The following MGAT4C variants were observed in gnomAD, a reference collection of about 807,000 sequenced individuals.
The protein encoded by MGAT4C is MGAT4 family member C.
Under a neutral mutation model 40.1 loss-of-function variants are expected in MGAT4C, and 19 were observed. That is an observed-to-expected ratio of 0.47 (90% CI 0.33 to 0.70). The LOEUF is 0.70. Ranked by LOEUF, MGAT4C falls within the 30% of genes least tolerant of loss-of-function variation. The probability of loss-of-function intolerance (pLI) is 0.02; values close to 1 mark genes in which losing one functional copy is unlikely to be tolerated. For missense variants in MGAT4C, 491 were observed against 563.2 expected (o/e 0.87, Z 1.30); for synonymous variants, 181 against 187.1 (o/e 0.97, Z 0.27).
intron 4 of MGAT4C, among the ~76,000 whole-genome samples, chr12:86,266,729 T>A (rs913609856): frequency 2.6e-5 from 4 of 152,168 alleles, no homozygotes; most frequent in African/African-American, 9.6e-5. Flanking sequence ...TCTTCATACC[T>A]TTGGTAGAAT....
At chr12:86,173,254 T>G (rs926295990) in intron 1 of MGAT4C, among the ~76,000 whole-genome samples, 4 of 152,128 alleles carry the variant, frequency 2.6e-5, no homozygotes, top group Non-Finnish European at 5.9e-5. Flanking sequence ...TATCAGCAAT[T>G]TTCATATTGG....
chr12:86,631,294 A>G (rs907774890), intron 2 of MGAT4C, among the ~76,000 whole-genome samples: 1 of 152,182 alleles, frequency 6.6e-6, no homozygotes, highest in Non-Finnish European at 1.5e-5. Flanking sequence ...GCTCATGGAT[A>G]GGAAGAATCA....
At chr12:86,012,469 A>C (rs1888561410) in intron 2 of MGAT4C, among the ~76,000 whole-genome samples, 1 of 152,062 alleles carries the variant, frequency 6.6e-6, no homozygotes, top group African/African-American at 2.4e-5. Context: ...GGCCAGGCGC[A>C]GTGGCTCAAG....
intron 2 of MGAT4C, among the ~76,000 whole-genome samples, chr12:86,628,855 C>T (rs1333186403): frequency 6.6e-6 from 1 of 152,046 alleles, no homozygotes; most frequent in Non-Finnish European, 1.5e-5. Context: ...GCAAAATAAC[C>T]AGCTAACATC....
intron 2 of MGAT4C, among the ~76,000 whole-genome samples, chr12:86,500,001 A>G (rs1350039613): frequency 2.0e-5 from 3 of 151,878 alleles, no homozygotes; most frequent in Non-Finnish European, 1.5e-5. Flanking sequence ...AGAAAGCAGC[A>G]GCATATGCAT....
Position 86,120,902 on chromosome 12 carries a change from G to A in MGAT4C, c.-56-71179C>T, listed in dbSNP as rs1418700502. Among the ~76,000 whole-genome samples, 7 of 152,338 alleles carry A rather than the reference G, an allele frequency of 4.6e-5. No homozygotes were observed. In the South Asian group the frequency reaches 6.2e-4, roughly 14 times the overall value. On this transcript the variant is annotated intron_variant, in intron 1 of 4. Coordinates refer to ENST00000611864, the MANE Select transcript of MGAT4C (RefSeq NM_001351288.2). ...AAGCTGGACAGAGAATGACTTTGACGAGTTGAGAGAAGGCTTTAGACGATC... is the reference window on the plus strand; with the variant it reads ...AAGCTGGACAGAGAATGACTTTGACAAGTTGAGAGAAGGCTTTAGACGATC...
intron 1 of MGAT4C, among the ~76,000 whole-genome samples, chr12:86,773,355 TC>T (rs1379327171): frequency 1.3e-5 from 2 of 152,008 alleles, no homozygotes; most frequent in Non-Finnish European, 2.9e-5. Context: ...GGAAAAAGCC[TC>T]CCCTTTTGGC....
At chr12:86,641,237 G>T (rs1191890958) in intron 2 of MGAT4C, among the ~76,000 whole-genome samples, 3 of 151,738 alleles carry the variant, frequency 2.0e-5, no homozygotes, top group Non-Finnish European at 4.4e-5. Flanking sequence ...GATGAAATTG[G>T]AAATAATCAT....
chr12:86,388,708 T>G (rs1455946634), intron 3 of MGAT4C, among the ~76,000 whole-genome samples: 2 of 138,430 alleles, frequency 1.4e-5, no homozygotes, highest in East Asian at 2.1e-4. Flanking sequence ...TTAGACAGAG[T>G]CTTGCTCTTG....
chr12:86,402,354 G>C (rs1194096875), intron 3 of MGAT4C, among the ~76,000 whole-genome samples: 1 of 152,090 alleles, frequency 6.6e-6, no homozygotes, highest in Non-Finnish European at 1.5e-5. Flanking sequence ...GAACCCAGGA[G>C]GTGGAGGTTG....
At chr12:86,738,795 G>A (rs1951021819) in intron 1 of MGAT4C, among the ~76,000 whole-genome samples, 1 of 151,052 alleles carries the variant, frequency 6.6e-6, no homozygotes, top group Admixed American at 6.6e-5. Flanking sequence ...TTAGGACTTT[G>A]GGGTTGAATT....
At position 86,165,632 on chromosome 12, in the gene MGAT4C, T is replaced by C. The variant is rs1267882147; in HGVS notation, c.-57+90607A>G. On this transcript the variant is annotated intron_variant, in intron 1 of 4. Transcript: ENST00000611864. Reference sequence around the variant, plus strand: ...AGGCTGGTCTATTATTTAAATCACTTTGAGAATTTTATTGTCAAGTGCTAC... The same window carrying C: ...AGGCTGGTCTATTATTTAAATCACTCTGAGAATTTTATTGTCAAGTGCTAC... Among the ~76,000 whole-genome samples, 3 of 152,166 alleles carry C rather than the reference T, an allele frequency of 2.0e-5. No homozygotes were observed. The East Asian group carries it at 5.8e-4, about 29-fold the overall frequency.
intron 1 of MGAT4C, among the ~76,000 whole-genome samples, chr12:86,767,560 C>T (rs1430001037): frequency 1.3e-5 from 2 of 151,942 alleles, no homozygotes; most frequent in Admixed American, 6.6e-5. Flanking sequence ...AGAGACACAA[C>T]CAAAAAAGAG....
intron 2 of MGAT4C, among the ~76,000 whole-genome samples, chr12:86,573,579 C>T (rs1960450128): frequency 6.6e-6 from 1 of 151,836 alleles, no homozygotes; most frequent in African/African-American, 2.4e-5. Context: ...ACCAACATCA[C>T]CACCATTACC....
intron 2 of MGAT4C, among the ~76,000 whole-genome samples, chr12:86,539,417 C>A (rs994202968): frequency 2.0e-5 from 3 of 152,214 alleles, no homozygotes; most frequent in Admixed American, 6.5e-5. Flanking sequence ...TTAATCCAAT[C>A]TATCATTGAT....
At position 86,203,975 on chromosome 12, in the gene MGAT4C, A is replaced by AATATATATATATATATATATATATAT. The variant is rs56952745; in HGVS notation, c.-57+52263_-57+52264insATATATATATATATATATATATATAT. Among the ~76,000 whole-genome samples, 847 of 136,344 alleles carry AATATATATATATATATATATATATAT rather than the reference A, an allele frequency of 6.2e-3. 7 individuals are homozygous for AATATATATATATATATATATATATAT. Among genetic ancestry groups the AATATATATATATATATATATATATAT allele is most frequent in the Non-Finnish European group, 9.9e-3 (601 of 60,616 alleles). The allele number at this position is 136,344 out of a possible 152,430, so 89.4% of individuals were successfully genotyped here. On this transcript the variant is annotated intron_variant, in intron 1 of 4. Coordinates refer to ENST00000611864, the MANE Select transcript of MGAT4C (RefSeq NM_001351288.2). ...TTCGTCTCAAAAAAAAAAAAAAAGA[A>AATATATATATATATATATATATATAT]ATATATATATATATATATGCCTTAT...
chr12:86,698,150 G>C (rs1950292641), intron 2 of MGAT4C, among the ~76,000 whole-genome samples: 2 of 151,688 alleles, frequency 1.3e-5, no homozygotes, highest in Admixed American at 1.3e-4. Context: ...CAACACATAT[G>C]ACAAGAGACT....
chr12:86,829,243 A>G (rs900682611), intron 1 of MGAT4C, among the ~76,000 whole-genome samples: 1 of 151,566 alleles, frequency 6.6e-6, no homozygotes, highest in Non-Finnish European at 1.5e-5. Context: ...CATTGAAAAG[A>G]AAGGATAGTT....
At chr12:86,334,411 G>T (rs1458755320) in intron 3 of MGAT4C, among the ~76,000 whole-genome samples, 1 of 152,056 alleles carries the variant, frequency 6.6e-6, no homozygotes, top group East Asian at 1.9e-4. Context: ...ATGCAAAATG[G>T]CTGGGCATCT....
Sources: gnomAD v4.1 joint callset for allele counts (sites outside exome capture counted in the v4.1 genomes callset) on GRCh38, gnomAD v4.1.1 for gene constraint, MANE v1.5 for transcripts, NCBI Gene and HGNC (gene_info 2026-07-23, HGNC 2026-07-21) for gene names.